Variants in BACH2 observed in about 807,000 individuals in gnomAD.
The protein encoded by BACH2 is BACH transcriptional regulator 2, also known as transcription regulator protein BACH2.
BACH2 carries 5 observed loss-of-function variants against 61.8 expected under a neutral mutation model. The observed-to-expected ratio is 0.08, with a 90% confidence interval of 0.04 to 0.17. The LOEUF (loss-of-function observed/expected upper bound fraction) is 0.17. Ranked by LOEUF, BACH2 falls within the 10% of genes least tolerant of loss-of-function variation. The probability of loss-of-function intolerance (pLI) is 1.00; values close to 1 mark genes in which losing one functional copy is unlikely to be tolerated. For missense variants in BACH2, 824 were observed against 1,091.1 expected (o/e 0.76, Z 3.45); for synonymous variants, 446 against 440.1 (o/e 1.01, Z -0.17).
chr6:90,083,136 A>G (rs1781791888), intron 5 of BACH2, among the ~76,000 whole-genome samples: 1 of 152,186 alleles, frequency 6.6e-6, no homozygotes, highest in African/African-American at 2.4e-5. Flanking sequence ...ACATGCTGCA[A>G]TGCCCTGGGT....
intron 6 of BACH2, among the ~76,000 whole-genome samples, chr6:89,957,952 G>T (rs184738260): frequency 7.2e-5 from 11 of 152,220 alleles, no homozygotes; most frequent in Admixed American, 5.2e-4. Context: ...TTCATATGGT[G>T]GTTCTTTTAG....
At chr6:90,124,445 C>G (rs1783765300) in intron 4 of BACH2, among the ~76,000 whole-genome samples, 1 of 152,134 alleles carries the variant, frequency 6.6e-6, no homozygotes, top group Non-Finnish European at 1.5e-5. Flanking sequence ...GTCCACAGAC[C>G]AGCAGCATTG....
At chr6:90,283,314 C>T (rs1359235266) in intron 1 of BACH2, among the ~76,000 whole-genome samples, 1 of 152,000 alleles carries the variant, frequency 6.6e-6, no homozygotes, top group Non-Finnish European at 1.5e-5. Flanking sequence ...ATAGTTACCA[C>T]TCAGTGAACA....
chr6:90,085,634 A>T (rs925122812), intron 5 of BACH2, among the ~76,000 whole-genome samples: 1 of 152,166 alleles, frequency 6.6e-6, no homozygotes, highest in Non-Finnish European at 1.5e-5. Flanking sequence ...ACTGAAGTAT[A>T]TACCATTCAG....
intron 1 of BACH2, among the ~76,000 whole-genome samples, chr6:90,293,756 T>G (rs781672087): frequency 6.6e-6 from 1 of 152,242 alleles, no homozygotes. Context: ...CTACCATCAC[T>G]GCAAAGTGCA....
At chr6:90,149,117 T>A (rs1784723141) in intron 4 of BACH2, among the ~76,000 whole-genome samples, 1 of 152,154 alleles carries the variant, frequency 6.6e-6, no homozygotes, top group Non-Finnish European at 1.5e-5. Context: ...TGCGGATGTA[T>A]GATTTGAGAG....
intron 5 of BACH2, among the ~76,000 whole-genome samples, chr6:90,084,491 AG>A (rs1781847143): frequency 6.6e-6 from 1 of 150,922 alleles, no homozygotes. Flanking sequence ...CCTCTCCCTT[AG>A]ACTTGCTGAC....
intron 5 of BACH2, among the ~76,000 whole-genome samples, chr6:90,085,386 C>T (rs1781890724): frequency 6.6e-6 from 1 of 152,174 alleles, no homozygotes. Flanking sequence ...GTGAGGCACA[C>T]AGCTCTGGGA....
chr6:90,227,274 G>A (rs933824529), intron 3 of BACH2, among the ~76,000 whole-genome samples: 9 of 152,134 alleles, frequency 5.9e-5, no homozygotes, highest in African/African-American at 2.2e-4. Context: ...GCATTCTCCC[G>A]TCTGCATGAT....
intron 5 of BACH2, among the ~76,000 whole-genome samples, chr6:90,043,140 TG>T (rs1461430659): frequency 6.6e-6 from 1 of 152,184 alleles, no homozygotes; most frequent in East Asian, 1.9e-4. Context: ...GGATCATGTT[TG>T]GGGGCTGGGG....
At chr6:90,077,697 C>T (rs571438168) in intron 5 of BACH2, among the ~76,000 whole-genome samples, 1 of 152,284 alleles carries the variant, frequency 6.6e-6, no homozygotes, top group South Asian at 2.1e-4. Context: ...TAAGCCACCA[C>T]TGTTTTATAT....
chr6:89,974,623 G>A (rs1362669736), intron 6 of BACH2, among the ~76,000 whole-genome samples: 1 of 152,320 alleles, frequency 6.6e-6, no homozygotes, highest in African/African-American at 2.4e-5. Context: ...AGGGCACCAA[G>A]TCAAAGTTGA....
rs1318077897 is a variant in BACH2 at position 90,026,864 on chromosome 6, T to C, written c.-12-18008A>G. On this transcript the variant is annotated intron_variant, in intron 5 of 8. Coordinates refer to ENST00000257749, the MANE Select transcript of BACH2 (RefSeq NM_021813.4). ...TGATTCTGTTCTGAAACATCATCTC[T>C]GCAGGGATGCAGGCTAGAACGAATG... Among the ~76,000 whole-genome samples the C allele has an allele frequency of 2.0e-5, 3 of 152,342 alleles. No homozygotes were observed. In the East Asian group the frequency reaches 5.8e-4, roughly 29 times the overall value.
chr6:90,111,590 C>G (rs552102229), intron 4 of BACH2, among the ~76,000 whole-genome samples: 122 of 152,306 alleles, frequency 8.0e-4, no homozygotes, highest in African/African-American at 2.8e-3. Flanking sequence ...GGCTCCTCCC[C>G]CAGGTTTTAG....
chr6:89,932,659 G>T lies in BACH2; in HGVS notation c.2275C>A (p.Gln759Lys), dbSNP rs1772738237. Residue 759 changes from glutamine to lysine, a missense_variant, in exon 9 of 9, where the codon CAA (glutamine) becomes AAA (lysine). By Grantham distance (53) the Gln-to-Lys change is moderately conservative. Around this residue, in one of 8 missense-constraint regions of BACH2, gnomAD observed 135 missense variants for 142.7 expected, o/e 0.95. Coordinates refer to ENST00000257749, the MANE Select transcript of BACH2 (RefSeq NM_021813.4). ...GGCACGTTTTCCCCCACTGCGCATT[G>T]GGAGGCCGCAATGTTCTGCTCAGCA... ...LGAEQNIAAS[Q>K]CAVGENVPCC... The T allele has an allele frequency of 2.5e-6, 4 of 1,614,128 alleles. No homozygotes were observed. Among genetic ancestry groups the T allele is most frequent in the South Asian group, 2.2e-5 (2 of 91,080 alleles).
At chr6:90,206,000 C>T (rs1420101421) in intron 4 of BACH2, among the ~76,000 whole-genome samples, 1 of 152,184 alleles carries the variant, frequency 6.6e-6, no homozygotes, top group Non-Finnish European at 1.5e-5. Context: ...GCACCTTACA[C>T]TCTCTTGGAA....
At chr6:90,054,313 GATTATATCC>G (rs1447938229) in intron 5 of BACH2, among the ~76,000 whole-genome samples, 1 of 152,226 alleles carries the variant, frequency 6.6e-6, no homozygotes, top group Non-Finnish European at 1.5e-5. Context: ...CACACCAGGA[GATTATATCC>G]CGCACGTGGC....
rs201044891 is a variant in BACH2 at position 89,951,144 on chromosome 6, G to A, written c.962C>T (p.Thr321Met). Residue 321 changes from threonine (T) to methionine (M), a missense_variant, in exon 7 of 9, where the codon ACG (threonine) becomes ATG (methionine). By Grantham distance (81) the Thr-to-Met change is moderately conservative. Transcript: ENST00000257749. The surrounding 1 kb of genome is among the most constrained non-coding windows in gnomAD (Gnocchi z 6.4). ...RKQPSPAPTP[T>M]APAGAACLER... The stretch of plus-strand genomic sequence containing the variant: ...CAGGCAGGCGGCCCCAGCTGGGGCC[G>A]TGGGGGTAGGGGCAGGGCTGGGCTG... 8.3e-5 allele frequency: 133 copies of A among 1,611,824 alleles called. No homozygotes were observed. The highest frequency in any genetic ancestry group is 6.1e-4 in the African/African-American group (46 of 74,998).
chr6:90,047,888 G>A (rs1371108839), intron 5 of BACH2, among the ~76,000 whole-genome samples: 1 of 152,120 alleles, frequency 6.6e-6, no homozygotes. Context: ...ATCATCTGGT[G>A]TCTAAAGGGC....
Sources: gnomAD v4.1 joint callset for allele counts (sites outside exome capture counted in the v4.1 genomes callset) on GRCh38, gnomAD v4.1.1 for gene constraint, gnomAD v4.1.1 regional missense constraint, Gnocchi (gnomAD v3.1) non-coding constraint, MANE v1.5 for transcripts, NCBI Gene and HGNC (gene_info 2026-07-23, HGNC 2026-07-21) for gene names.